The following ETS1 variants were observed in gnomAD, a reference collection of about 807,000 sequenced individuals.
ETS1 encodes ETS proto-oncogene 1, transcription factor.
Under a neutral mutation model 58.6 loss-of-function variants are expected in ETS1, and 15 were observed. That is an observed-to-expected ratio of 0.26 (90% CI 0.17 to 0.39). The LOEUF is 0.39. Ranked by LOEUF, ETS1 falls within the 10% of genes least tolerant of loss-of-function variation. The pLI, the probability that ETS1 is intolerant of heterozygous loss-of-function variation, is 1.00. For synonymous variants in ETS1, 214 were observed against 218.2 expected (o/e 0.98, Z 0.17); for missense variants, 417 against 610.5 (o/e 0.68, Z 3.34).
At chr11:128,531,672 C>T (rs1863899961) in intron 3 of ETS1, among the ~76,000 whole-genome samples, 1 of 152,172 alleles carries the variant, frequency 6.6e-6, no homozygotes, top group Non-Finnish European at 1.5e-5. Flanking sequence ...ATACTCACAG[C>T]TACATTACAA....
intron 3 of ETS1, among the ~76,000 whole-genome samples, chr11:128,521,755 C>G (rs944764858): frequency 6.6e-6 from 1 of 152,202 alleles, no homozygotes; most frequent in African/African-American, 2.4e-5. Context: ...CCTCCTCCTC[C>G]TTCTCCTCCT....
At chr11:128,556,591 C>T (rs58863523) in intron 2 of ETS1, among the ~76,000 whole-genome samples, 156 bp from the exon 3 acceptor site, 3,174 of 152,180 alleles carry the variant, frequency 0.021, 121 homozygotes, top group African/African-American at 0.071. Flanking sequence ...TTCCCTTATC[C>T]CCCCACATAA....
At chr11:128,478,315 G>A (rs1325305984) in intron 8 of ETS1, among the ~76,000 whole-genome samples, 1 of 132,488 alleles carries the variant, frequency 7.5e-6, no homozygotes, top group Non-Finnish European at 1.6e-5. Flanking sequence ...GGGAAGGAGG[G>A]AAGGAAAGAA....
intron 3 of ETS1, chr11:128,522,124 T>G: frequency 2.3e-6 from 3 of 1,309,378 alleles, no homozygotes; most frequent in East Asian, 3.2e-5. Flanking sequence ...AAATCTCAAA[T>G]TCCCGCTGCC....
At chr11:128,492,482 G>T (rs760634851) in intron 3 of ETS1, among the ~76,000 whole-genome samples, 1 of 152,176 alleles carries the variant, frequency 6.6e-6, no homozygotes, top group African/African-American at 2.4e-5. Flanking sequence ...TGCCAATGAC[G>T]AGGAATCTGA....
chr11:128,517,188 C>T (rs74366622), intron 3 of ETS1, among the ~76,000 whole-genome samples: 1 of 152,212 alleles, frequency 6.6e-6, no homozygotes, highest in Non-Finnish European at 1.5e-5. Context: ...AATGAGGCCA[C>T]CTGATTCAGC....
At chr11:128,573,449 T>C (rs1864679996) in intron 1 of ETS1, among the ~76,000 whole-genome samples, 1 of 152,152 alleles carries the variant, frequency 6.6e-6, no homozygotes, top group Non-Finnish European at 1.5e-5. Context: ...TTTGTAGGGT[T>C]TCTGAGCAGG....
intron 8 of ETS1, among the ~76,000 whole-genome samples, chr11:128,473,273 C>T (rs1327351748): frequency 3.3e-5 from 5 of 152,130 alleles, no homozygotes; most frequent in Admixed American, 3.3e-4. Context: ...ATGCGTTGTT[C>T]CCTGGCCTCA....
chr11:128,497,649 T>C (rs1862977607), intron 3 of ETS1: 1 of 943,932 alleles, frequency 1.1e-6, no homozygotes, highest in African/African-American at 1.8e-5. Context: ...AAAGCAGTTG[T>C]AATTCGGCAG....
chr11:128,508,780 G>A (rs934908226), intron 3 of ETS1, among the ~76,000 whole-genome samples: 9 of 152,224 alleles, frequency 5.9e-5, no homozygotes, highest in African/African-American at 1.9e-4. Flanking sequence ...GAGAAGATTC[G>A]TAAAGAGATT....
intron 8 of ETS1, among the ~76,000 whole-genome samples, chr11:128,472,409 A>C (rs117800126): frequency 0.044 from 6,664 of 152,304 alleles, 204 homozygotes; most frequent in Middle Eastern, 0.075. Context: ...GTTACAGTCA[A>C]CAACATGCAT....
intron 3 of ETS1, among the ~76,000 whole-genome samples, chr11:128,537,494 A>G (rs1863989205): frequency 6.6e-6 from 1 of 152,190 alleles, no homozygotes; most frequent in South Asian, 2.1e-4. Context: ...ATTAAATCGC[A>G]GTTGGGAATT....
At chr11:128,516,286 T>C (rs1863521653) in intron 3 of ETS1, among the ~76,000 whole-genome samples, 1 of 152,212 alleles carries the variant, frequency 6.6e-6, no homozygotes. Context: ...GTAAAAATGA[T>C]AGATTTGGGA....
At position 128,582,165 on chromosome 11, in the gene ETS1, A is replaced by G. The variant is rs1320180909; in HGVS notation, c.-15+5323T>C. Among the ~76,000 whole-genome samples the G allele has an allele frequency of 2.0e-5, 3 of 152,212 alleles. 1 individual carries two copies. The highest frequency in any genetic ancestry group is 4.4e-5 in the Non-Finnish European group (3 of 68,018). ...TCAATCTTCTCATTTATTTCAATGA[A>G]CTGAGTCCTAAGAGGTTACGTGTTT... On this transcript the variant is annotated intron_variant, in intron 1 of 9. Transcript: ENST00000392668.
chr11:128,468,130 A>G (rs1426942020), intron 8 of ETS1, among the ~76,000 whole-genome samples: 3 of 152,206 alleles, frequency 2.0e-5, no homozygotes, highest in Non-Finnish European at 4.4e-5. Flanking sequence ...CAAGCCTACA[A>G]AGCAAATCAC....
chr11:128,543,979 C>T (rs1864093859), intron 3 of ETS1, among the ~76,000 whole-genome samples: 1 of 152,096 alleles, frequency 6.6e-6, no homozygotes, highest in Admixed American at 6.5e-5. Context: ...TAAGTCTACA[C>T]TTGTATTTAA....
chr11:128,520,833 G>A (rs571276161), intron 3 of ETS1, among the ~76,000 whole-genome samples: 1 of 152,324 alleles, frequency 6.6e-6, no homozygotes, highest in South Asian at 2.1e-4. Context: ...AAGGGTTAAA[G>A]TAAGCAATAA....
At chr11:128,474,978 A>G (rs1862283840) in intron 8 of ETS1, among the ~76,000 whole-genome samples, 1 of 152,244 alleles carries the variant, frequency 6.6e-6, no homozygotes, top group East Asian at 1.9e-4. Flanking sequence ...GAAATGCCCT[A>G]ACTTCTCTGG....
At chr11:128,485,650 T>C (rs1443682482) in intron 6 of ETS1, among the ~76,000 whole-genome samples, 1 of 152,150 alleles carries the variant, frequency 6.6e-6, no homozygotes, top group African/African-American at 2.4e-5. Flanking sequence ...TGAAGCTGCA[T>C]AGCACACTCT....
Sources: allele counts gnomAD v4.1 joint callset (sites outside exome capture counted in the v4.1 genomes callset), GRCh38; gene constraint gnomAD v4.1.1; transcripts MANE v1.5; gene names NCBI Gene and HGNC (gene_info 2026-07-23, HGNC 2026-07-21).